ASAH2: variants seen among roughly 807,000 people sequenced by gnomAD.
The protein encoded by ASAH2 is N-acylsphingosine amidohydrolase 2, also known as neutral ceramidase.
A neutral mutation model predicts 82.9 loss-of-function variants in ASAH2; 58 were observed. That is an observed-to-expected ratio of 0.70 (90% CI 0.57 to 0.87). ASAH2 has a LOEUF of 0.87. ASAH2 is among the 40% of genes least tolerant of loss of function. The pLI is 0.00. For synonymous variants in ASAH2, 276 were observed against 289.7 expected, an observed-to-expected ratio of 0.95 and a Z score of 0.48; for missense variants, 779 against 834.0, an observed-to-expected ratio of 0.93 and a Z score of 0.81.
At chr10:50,238,304 G>T (rs976965249) in intron 4 of ASAH2, among the ~76,000 whole-genome samples, 1 of 121,900 alleles carries the variant, frequency 8.2e-6, no homozygotes, top group Admixed American at 8.1e-5. Context: ...TCTATTGCAG[G>T]TGAAGATCTA....
Position 50,185,643 on chromosome 10 carries a change from G to T in ASAH2, c.*1672C>A. On this transcript the variant is annotated 3_prime_UTR_variant, in exon 21 of 21. Coordinates refer to ENST00000682911, the MANE Select transcript of ASAH2 (RefSeq NM_019893.4). ...CTGAACTTTTACACTGAAGACTGTG[G>T]CATCATCAGAAAAAAGATCACAACA... 1.0e-5 allele frequency: 1 copy of T among 97,470 alleles called. No homozygotes were observed. The highest frequency in any genetic ancestry group is 9.8e-5 in the Admixed American group (1 of 10,176). 6.0% of individuals were successfully genotyped at this position (97,470 alleles called of 1,614,324 possible). A position where few individuals can be genotyped will look rare whatever the true frequency, so the allele number is the denominator to read the frequency against.
chr10:50,239,033 A>G (rs954222927), intron 4 of ASAH2, among the ~76,000 whole-genome samples: 73 of 152,244 alleles, frequency 4.8e-4, no homozygotes, highest in African/African-American at 1.5e-3. Flanking sequence ...AAGCAGCTAC[A>G]TTTATGTCTA....
chr10:50,193,265 T>C (rs1844889306), intron 18 of ASAH2, among the ~76,000 whole-genome samples: 1 of 151,656 alleles, frequency 6.6e-6, no homozygotes, highest in African/African-American at 2.4e-5. Flanking sequence ...AACCCTGTAA[T>C]CCACCAGCTC....
intron 4 of ASAH2, among the ~76,000 whole-genome samples, chr10:50,236,789 A>G (rs1049547447): frequency 4.6e-5 from 7 of 152,126 alleles, no homozygotes; most frequent in African/African-American, 1.7e-4. Flanking sequence ...TTGCCTGTTG[A>G]TCTAATAAGT....
chr10:50,223,441 C>T (rs1488326188), intron 7 of ASAH2, among the ~76,000 whole-genome samples: 14 of 152,114 alleles, frequency 9.2e-5, no homozygotes, highest in Admixed American at 7.2e-4. Context: ...TTCAGCCAGC[C>T]CAGAAAAGAG....
chr10:50,222,148 G>C (rs1003869926), intron 7 of ASAH2, among the ~76,000 whole-genome samples: 92 of 152,288 alleles, frequency 6.0e-4, no homozygotes, highest in African/African-American at 2.2e-3. Flanking sequence ...ATGTTGATTG[G>C]CATTGTGTGA....
chr10:50,199,595 A>G (rs1845086186), intron 16 of ASAH2, among the ~76,000 whole-genome samples: 1 of 149,124 alleles, frequency 6.7e-6, no homozygotes, highest in Admixed American at 6.7e-5. Context: ...AGCCAAATGC[A>G]TCTTTTAGCT....
chr10:50,242,163 T>C (rs1009559197), intron 4 of ASAH2, among the ~76,000 whole-genome samples: 11 of 152,106 alleles, frequency 7.2e-5, no homozygotes, highest in African/African-American at 2.7e-4. Flanking sequence ...AGTTTTCTTA[T>C]ACAGAAAATG....
At chr10:50,248,058 C>A (rs1003443798) in intron 2 of ASAH2, among the ~76,000 whole-genome samples, 1 of 152,180 alleles carries the variant, frequency 6.6e-6, no homozygotes, top group Admixed American at 6.5e-5. Context: ...ACGTTTGAGA[C>A]CCCTTTCTCT....
At chr10:50,234,636 C>T in intron 5 of ASAH2, 84 bp from the exon 6 acceptor site, 2 of 1,588,972 alleles carry the variant, frequency 1.3e-6, no homozygotes, top group South Asian at 2.2e-5. Context: ...CAGAAGAGCC[C>T]TGTGAACAAT....
chr10:50,204,100 T>C (rs1311678746), intron 14 of ASAH2, among the ~76,000 whole-genome samples: 5 of 152,000 alleles, frequency 3.3e-5, no homozygotes. Context: ...ATATGAGAGC[T>C]TGATGAAGAA....
At chr10:50,218,935 A>G (rs1845677666) in intron 7 of ASAH2, among the ~76,000 whole-genome samples, 1 of 152,192 alleles carries the variant, frequency 6.6e-6, no homozygotes, top group African/African-American at 2.4e-5. Flanking sequence ...ATATACATGG[A>G]CTTTGTCCTT....
At chr10:50,207,213 T>G (rs1217170263) in intron 12 of ASAH2, among the ~76,000 whole-genome samples, 4 of 151,794 alleles carry the variant, frequency 2.6e-5, no homozygotes, top group Non-Finnish European at 5.9e-5. Context: ...TAAATGCCCA[T>G]ATATTAAGAA....
intron 1 of ASAH2, 89 bp from the exon 2 acceptor site, chr10:50,248,735 T>TA: frequency 9.9e-7 from 1 of 1,008,148 alleles, no homozygotes; most frequent in Non-Finnish European, 1.4e-6. Context: ...TAATAGACTA[T>TA]ACCAAGAACG....
intron 14 of ASAH2, among the ~76,000 whole-genome samples, chr10:50,204,605 A>T (rs1378350757): frequency 6.6e-6 from 1 of 151,948 alleles, no homozygotes; most frequent in East Asian, 1.9e-4. Flanking sequence ...ATAATAACTC[A>T]TGGCATCATT....
Position 50,214,742 on chromosome 10 carries a change from C to A in ASAH2, c.1140+1G>T. The A allele has an allele frequency of 6.2e-7, 1 of 1,613,618 alleles. No individual in the cohort carries two copies. The highest frequency in any genetic ancestry group is 8.5e-7 in the Non-Finnish European group (1 of 1,179,608). ...AGATTTCATGTGTCATAATTACCTACCCCACCAATGGGACAAGTGCTATTG... is the reference window on the plus strand; with the variant it reads ...AGATTTCATGTGTCATAATTACCTAACCCACCAATGGGACAAGTGCTATTG... On this transcript the variant is annotated splice_donor_variant, in intron 9 of 20. Coordinates refer to ENST00000682911, the MANE Select transcript of ASAH2 (RefSeq NM_019893.4). LOFTEE classifies it high-confidence loss of function.
At chr10:50,216,972 C>T (rs2133211464) in intron 8 of ASAH2, among the ~76,000 whole-genome samples, 1 of 152,236 alleles carries the variant, frequency 6.6e-6, no homozygotes, top group Non-Finnish European at 1.5e-5. Context: ...TTTATTCCTG[C>T]CAAAACTCAT....
intron 18 of ASAH2, among the ~76,000 whole-genome samples, chr10:50,195,152 G>C (rs1261257148): frequency 6.6e-6 from 1 of 150,846 alleles, no homozygotes; most frequent in Non-Finnish European, 1.5e-5. Context: ...ATCCAATAAA[G>C]AGTTAATATC....
intron 12 of ASAH2, among the ~76,000 whole-genome samples, chr10:50,208,332 G>A (rs1178461898): frequency 6.6e-6 from 1 of 151,770 alleles, no homozygotes; most frequent in Non-Finnish European, 1.5e-5. Flanking sequence ...GAAATAAAAG[G>A]CATTCAGATT....
Sources: gnomAD v4.1 joint callset for allele counts (sites outside exome capture counted in the v4.1 genomes callset) on GRCh38, gnomAD v4.1.1 for gene constraint, MANE v1.5 for transcripts, NCBI Gene and HGNC (gene_info 2026-07-23, HGNC 2026-07-21) for gene names.